EVI5: variants seen among roughly 807,000 people sequenced by gnomAD.
EVI5 encodes ecotropic viral integration site 5, also known as ecotropic viral integration site 5 protein homolog.
Under a neutral mutation model 112.0 loss-of-function variants are expected in EVI5, and 73 were observed. The ratio of observed to expected loss-of-function variants is 0.65; its 90% CI spans 0.54 to 0.79. The LOEUF is 0.79. EVI5 is among the 30% of genes least tolerant of loss of function. EVI5 has a pLI of 0.00. For synonymous variants in EVI5, 305 were observed against 319.9 expected (o/e 0.95, Z 0.50); for missense variants, 900 against 968.8 (o/e 0.93, Z 0.94).
At chr1:92,763,876 A>G (rs1682239336) in intron 1 of EVI5, among the ~76,000 whole-genome samples, 1 of 152,196 alleles carries the variant, frequency 6.6e-6, no homozygotes, top group Non-Finnish European at 1.5e-5. Context: ...GAAAGGAAGA[A>G]AAGAAGAGAA....
intron 19 of EVI5, among the ~76,000 whole-genome samples, chr1:92,550,807 T>TATATATATAACA (rs1666767284): frequency 1.1e-5 from 1 of 92,166 alleles, no homozygotes; most frequent in Non-Finnish European, 2.0e-5. Context: ...TATATATATA[T>TATATATATAACA]ATATATAACA....
intron 13 of EVI5, among the ~76,000 whole-genome samples, chr1:92,639,495 A>C (rs1572053746): frequency 2.0e-5 from 3 of 152,148 alleles, no homozygotes; most frequent in Non-Finnish European, 4.4e-5. Context: ...AAGTGAAAAA[A>C]AATTGAAATT....
At chr1:92,679,190 T>C (rs1377105430) in intron 9 of EVI5, among the ~76,000 whole-genome samples, 1 of 152,172 alleles carries the variant, frequency 6.6e-6, no homozygotes, top group Non-Finnish European at 1.5e-5. Context: ...GAGAATCTCA[T>C]GACTGATGAT....
chr1:92,619,833 G>T (rs1654124390), intron 16 of EVI5, among the ~76,000 whole-genome samples: 1 of 151,864 alleles, frequency 6.6e-6, no homozygotes, highest in South Asian at 2.1e-4. Flanking sequence ...ACCTTCAGTT[G>T]GCTCATCAAA....
intron 5 of EVI5, among the ~76,000 whole-genome samples, chr1:92,698,507 A>G (rs1670656925): frequency 6.6e-6 from 1 of 152,234 alleles, no homozygotes; most frequent in African/African-American, 2.4e-5. Context: ...TGAAGAAAGC[A>G]AGGGAGCATT....
chr1:92,539,314 G>A (rs1456157566), intron 19 of EVI5, among the ~76,000 whole-genome samples: 1 of 152,052 alleles, frequency 6.6e-6, no homozygotes, highest in Non-Finnish European at 1.5e-5. Context: ...AGGCCGAGGC[G>A]GGCGGATCAC....
rs1426742449 is a variant in EVI5, at chr1:92,702,177, T to C, written c.603A>G (p.Gln201=). 1 of 1,516,918 alleles carries C rather than the reference T, an allele frequency of 6.6e-7. No homozygotes were observed. The highest frequency in any genetic ancestry group is 2.6e-5 in the East Asian group (1 of 37,896). The allele number at this position is 1,516,918 out of a possible 1,614,324, so 94.0% of individuals were successfully genotyped here. ...SLVDREVGYC[Q]GSAFIVGLLL... is the part of the protein sequence containing the mutation. Reference sequence around the variant, plus strand: ...ACAATCCAACTATAAAAGCACTTCCTTGACAGTAACCAACCTCACGATCTA... The same window carrying C: ...ACAATCCAACTATAAAAGCACTTCCCTGACAGTAACCAACCTCACGATCTA... The change falls in exon 5 of 20, where the codon CAA becomes CAG. Residue 201 remains glutamine, a synonymous_variant. Transcript: ENST00000684568.
intron 19 of EVI5, among the ~76,000 whole-genome samples, chr1:92,538,751 T>G (rs1179739117): frequency 6.6e-6 from 1 of 152,124 alleles, no homozygotes; most frequent in Non-Finnish European, 1.5e-5. Context: ...ATGATGATGT[T>G]CGAGTTGGGT....
chr1:92,729,031 G>A (rs1676053217), intron 2 of EVI5, among the ~76,000 whole-genome samples: 1 of 152,256 alleles, frequency 6.6e-6, no homozygotes, highest in East Asian at 1.9e-4. Context: ...TATGTCAAAG[G>A]GAAGCTGTTA....
Position 92,628,209 on chromosome 1 carries a change from G to C in EVI5, c.1528-2275C>G, listed in dbSNP as rs150094251. ...TTCGTCTTACTGATTTGAGTTCGTT[G>C]TAGATTCTGGATATTAGTCCTTTGT... On this transcript the variant is annotated intron_variant, in intron 14 of 19. Coordinates refer to ENST00000684568, the MANE Select transcript of EVI5 (RefSeq NM_001350197.2). Among the ~76,000 whole-genome samples the C allele has an allele frequency of 6.9e-4, 105 of 152,324 alleles. 1 individual carries two copies. The highest frequency in any genetic ancestry group is 2.5e-3 in the African/African-American group (103 of 41,562).
At position 92,625,899 on chromosome 1, in the gene EVI5, T is replaced by G. The variant is rs201223473; in HGVS notation, c.1563A>C (p.Ala521=). The part of the protein sequence containing the change: ...NNSLPDENNI[A]RLQEELIAVK... ...CAGCAATGAGTTCTTCCTGAAGCCT[T>G]GCAATATTATTCTCATCAGGAAGGG... is the stretch of plus-strand genomic sequence containing the variant. Residue 521 remains alanine, a synonymous_variant, in exon 15 of 20, where the codon GCA becomes GCC. Coordinates refer to ENST00000684568, the MANE Select transcript of EVI5 (RefSeq NM_001350197.2). The G allele has an allele frequency of 6.2e-7, 1 of 1,608,566 alleles. No individual in the cohort carries two copies. The highest frequency in any genetic ancestry group is 1.7e-5 in the Admixed American group (1 of 59,992).
chr1:92,531,225 A>G (rs1571343019), intron 19 of EVI5, among the ~76,000 whole-genome samples: 1 of 140,098 alleles, frequency 7.1e-6, no homozygotes, highest in African/African-American at 2.6e-5. Context: ...AAGCAAGAAG[A>G]CAAGATTAGA....
intron 7 of EVI5, among the ~76,000 whole-genome samples, chr1:92,695,053 C>T (rs1670086252): frequency 6.6e-6 from 1 of 152,162 alleles, no homozygotes; most frequent in Non-Finnish European, 1.5e-5. Flanking sequence ...GTTACAACAC[C>T]ACTTATGTAT....
chr1:92,551,810 C>T (rs185044742), intron 19 of EVI5, among the ~76,000 whole-genome samples: 2 of 152,156 alleles, frequency 1.3e-5, no homozygotes, highest in African/African-American at 4.8e-5. Context: ...CCTGTCACTA[C>T]AGGCTTGATA....
intron 18 of EVI5, among the ~76,000 whole-genome samples, chr1:92,587,847 C>T (rs1218328432): frequency 1.3e-5 from 2 of 152,160 alleles, no homozygotes; most frequent in African/African-American, 2.4e-5. Flanking sequence ...TATAGATGTG[C>T]TTAGCCCACA....
At chr1:92,585,551 A>G (rs1039957716) in intron 18 of EVI5, among the ~76,000 whole-genome samples, 4 of 152,218 alleles carry the variant, frequency 2.6e-5, no homozygotes, top group African/African-American at 9.7e-5. Flanking sequence ...CTCATAAATC[A>G]TAATTTAATT....
At position 92,625,805 on chromosome 1, in the gene EVI5, C is replaced by T; in HGVS notation, c.1657G>A (p.Glu553Lys). The change falls in exon 15 of 20, where the codon GAA (glutamate) becomes AAA (lysine). Residue 553 changes from glutamate (E) to lysine (K), a missense_variant. Transcript: ENST00000684568. ...ATATATTAATATACCTGCCAGTGTT[C>T]CTCTAAATCCTTGACTTGCTGTCTA... ...ELRQQVKDLE[E>K]HWQRHLARTT... The T allele has an allele frequency of 6.2e-7, 1 of 1,612,302 alleles. No homozygotes were observed. The highest frequency in any genetic ancestry group is 8.5e-7 in the Non-Finnish European group (1 of 1,179,166).
chr1:92,516,347 C>T (rs1659867539), intron 19 of EVI5, among the ~76,000 whole-genome samples: 1 of 152,186 alleles, frequency 6.6e-6, no homozygotes, highest in South Asian at 2.1e-4. Flanking sequence ...TAAAACACTG[C>T]AGCCTCATCA....
chr1:92,768,876 AAAAAACAAAAC>A (rs1683013474), intron 1 of EVI5, among the ~76,000 whole-genome samples: 1 of 152,156 alleles, frequency 6.6e-6, no homozygotes, highest in Non-Finnish European at 1.5e-5. Flanking sequence ...CCCTGTCTCA[AAAAAACAAAAC>A]AAAAACAAAA....
Sources: allele counts gnomAD v4.1 joint callset (sites outside exome capture counted in the v4.1 genomes callset), GRCh38; gene constraint gnomAD v4.1.1; transcripts MANE v1.5; gene names NCBI Gene and HGNC (gene_info 2026-07-23, HGNC 2026-07-21).